Variants in HDAC4 observed in about 807,000 individuals in gnomAD.
HDAC4 encodes histone deacetylase A.
Under a neutral mutation model 135.1 loss-of-function variants are expected in HDAC4, and 16 were observed. The observed-to-expected ratio is 0.12, with a 90% CI of 0.08 to 0.18. The LOEUF (loss-of-function observed/expected upper bound fraction) is 0.18. HDAC4 is among the 10% of genes least tolerant of loss of function. The probability of loss-of-function intolerance (pLI) is 1.00; values close to 1 mark genes in which losing one functional copy is unlikely to be tolerated. For synonymous variants in HDAC4, 685 were observed against 653.4 expected, an observed-to-expected ratio of 1.05 and a Z score of -0.74; for missense variants, 1,143 against 1,511.8, an observed-to-expected ratio of 0.76 and a Z score of 4.05.
chr2:239,134,592 G>C lies in HDAC4; in HGVS notation c.1030C>G (p.Pro344Ala). The change falls in exon 10 of 27, where the codon CCC becomes GCC. Residue 344 changes from proline (P) to alanine (A), a missense_variant. Physicochemically the swap from Pro to Ala is conservative, Grantham distance 27. Transcript: ENST00000543185. ...VAREGSAAPL[P>A]LYTSPSLPNI... ...GGCAAGGATGGCGATGTGTAGAGGG[G>C]AAGTGGAGCGGCCGAGCCTTCTCGT... 1 of 1,614,154 alleles carries C rather than the reference G, an allele frequency of 6.2e-7. No homozygotes were observed. The highest frequency in any genetic ancestry group is 8.5e-7 in the Non-Finnish European group (1 of 1,180,008).
chr2:239,337,190 T>C (rs1190801182), intron 2 of HDAC4, among the ~76,000 whole-genome samples: 1 of 152,104 alleles, frequency 6.6e-6, no homozygotes, highest in Non-Finnish European at 1.5e-5. Flanking sequence ...GAACAGCAGG[T>C]TGTCACACAA....
At chr2:239,190,133 C>A in intron 3 of HDAC4, 56 bp from the exon 4 acceptor site, 1 of 1,562,092 alleles carries the variant, frequency 6.4e-7, no homozygotes, top group Non-Finnish European at 8.6e-7. Flanking sequence ...TGTCCCTGGG[C>A]CCCAGAGCCC....
intron 3 of HDAC4, chr2:239,191,049 C>A: frequency 2.2e-6 from 1 of 458,190 alleles, no homozygotes; most frequent in Non-Finnish European, 4.4e-6. Context: ...GCGACTCTGC[C>A]GAAAACTTCA....
At chr2:239,389,285 CTTTG>C (rs1464703114) in intron 1 of HDAC4, among the ~76,000 whole-genome samples, 1 of 152,160 alleles carries the variant, frequency 6.6e-6, no homozygotes, top group African/African-American at 2.4e-5. Context: ...GCTGTGGAAG[CTTTG>C]TTCTTTCGAT....
intron 2 of HDAC4, among the ~76,000 whole-genome samples, chr2:239,259,647 T>C (rs1162544252): frequency 6.6e-6 from 1 of 151,938 alleles, no homozygotes; most frequent in Non-Finnish European, 1.5e-5. Flanking sequence ...ATTAAACTCA[T>C]AAAAGTGAAA....
At chr2:239,296,310 A>T (rs1031220839) in intron 2 of HDAC4, among the ~76,000 whole-genome samples, 4 of 152,252 alleles carry the variant, frequency 2.6e-5, no homozygotes, top group African/African-American at 9.6e-5. Context: ...CACTCTGCCC[A>T]GAAGGAGGCC....
intron 18 of HDAC4, 128 bp downstream of exon 18, chr2:239,089,881 G>A (rs1574981090): frequency 6.7e-6 from 5 of 743,906 alleles, no homozygotes; most frequent in East Asian, 5.2e-5. Flanking sequence ...ACAGAGTGGG[G>A]TCCACGCCTC....
intron 12 of HDAC4, among the ~76,000 whole-genome samples, chr2:239,120,707 G>T (rs1292181738): frequency 6.6e-6 from 1 of 151,978 alleles, no homozygotes; most frequent in Non-Finnish European, 1.5e-5. Flanking sequence ...TGACCGAAGT[G>T]GTGTGCCTGC....
chr2:239,258,996 TA>T (rs1301084628), intron 2 of HDAC4, among the ~76,000 whole-genome samples: 3 of 152,144 alleles, frequency 2.0e-5, no homozygotes, highest in South Asian at 2.1e-4. Flanking sequence ...ACCTTGCAAA[TA>T]ACAGCCGAAG....
intron 3 of HDAC4, among the ~76,000 whole-genome samples, chr2:239,196,526 T>G (rs781691135): frequency 6.6e-6 from 1 of 151,870 alleles, no homozygotes; most frequent in Non-Finnish European, 1.5e-5. Context: ...GAAGGAGGAG[T>G]TGACGATGGT....
chr2:239,114,740 T>C (rs2038976504), intron 13 of HDAC4, among the ~76,000 whole-genome samples: 1 of 152,230 alleles, frequency 6.6e-6, no homozygotes, highest in African/African-American at 2.4e-5. Flanking sequence ...TGTATCTCAC[T>C]AACACATGGA....
At chr2:239,291,511 G>A (rs1262194953) in intron 2 of HDAC4, among the ~76,000 whole-genome samples, 1 of 152,248 alleles carries the variant, frequency 6.6e-6, no homozygotes, top group African/African-American at 2.4e-5. Context: ...GCTCTGGAAA[G>A]CAGGAAGGCC....
chr2:239,130,802 C>T (rs888584423), intron 11 of HDAC4, among the ~76,000 whole-genome samples: 2 of 152,238 alleles, frequency 1.3e-5, no homozygotes, highest in East Asian at 3.9e-4. Flanking sequence ...TTGGGGGGCC[C>T]TGTCTCTCGG....
chr2:239,070,046 G>T (rs953978798), intron 22 of HDAC4, among the ~76,000 whole-genome samples: 1 of 152,002 alleles, frequency 6.6e-6, no homozygotes, highest in Admixed American at 6.5e-5. Context: ...CTGAGACTGG[G>T]TCAGCTCCAC....
intron 24 of HDAC4, among the ~76,000 whole-genome samples, chr2:239,056,587 G>A (rs1407035880): frequency 1.3e-5 from 2 of 152,176 alleles, no homozygotes; most frequent in Non-Finnish European, 2.9e-5. Flanking sequence ...AATAAATAAC[G>A]AAATACACAC....
intron 4 of HDAC4, among the ~76,000 whole-genome samples, chr2:239,178,662 G>T (rs939558314): frequency 6.6e-6 from 1 of 152,234 alleles, no homozygotes; most frequent in African/African-American, 2.4e-5. Context: ...GGGATTACGA[G>T]CGTGAGCTGC....
At chr2:239,340,787 A>C (rs1055292281) in intron 2 of HDAC4, among the ~76,000 whole-genome samples, 2 of 152,086 alleles carry the variant, frequency 1.3e-5, no homozygotes, top group Admixed American at 6.5e-5. Flanking sequence ...GCCCAAGTCC[A>C]CCCCTCCAGG....
intron 15 of HDAC4, among the ~76,000 whole-genome samples, chr2:239,104,778 A>G (rs12467524): frequency 0.087 from 13,278 of 152,334 alleles, 756 homozygotes; most frequent in Admixed American, 0.15. Flanking sequence ...ACTGGATAAG[A>G]GACTGAATTG....
intron 4 of HDAC4, among the ~76,000 whole-genome samples, chr2:239,188,909 A>G (rs981044899): frequency 6.6e-6 from 1 of 152,224 alleles, no homozygotes; most frequent in Non-Finnish European, 1.5e-5. Flanking sequence ...AGTCCAGTCA[A>G]CCCTGCAGAT....
Sources: gnomAD v4.1 joint callset for allele counts (sites outside exome capture counted in the v4.1 genomes callset) on GRCh38, gnomAD v4.1.1 for gene constraint, MANE v1.5 for transcripts, NCBI Gene and HGNC (gene_info 2026-07-23, HGNC 2026-07-21) for gene names.